The following POMT2 variants were observed in gnomAD, a reference collection of about 807,000 sequenced individuals.
POMT2 encodes the protein protein O-mannosyltransferase 2, also known as protein O-mannosyl-transferase 2.
In POMT2, 75 loss-of-function variants were observed where a neutral mutation model predicts 100.0. The observed-to-expected ratio is 0.75, with a 90% CI of 0.62 to 0.91. POMT2 has a LOEUF of 0.91. Ranked by LOEUF, POMT2 falls within the 40% of genes least tolerant of loss-of-function variation. The pLI is 0.00. For synonymous variants in POMT2, 378 were observed against 374.1 expected, an observed-to-expected ratio of 1.01 and a Z score of -0.12; for missense variants, 940 against 955.1, an observed-to-expected ratio of 0.98 and a Z score of 0.21.
intron 4 of POMT2, 133 bp from the exon 5 acceptor site, chr14:77,303,076 A>T: frequency 1.4e-6 from 1 of 732,770 alleles, no homozygotes; most frequent in Non-Finnish European, 2.4e-6. Context: ...TCAGGACTAG[A>T]GTCAACACTG....
chr14:77,298,899 G>T, intron 7 of POMT2, 128 bp from the exon 8 acceptor site: 1 of 932,692 alleles, frequency 1.1e-6, no homozygotes. Context: ...GACAGAGGTG[G>T]GTGATGGAGT....
At chr14:77,293,698 A>T (rs1448505418) in intron 9 of POMT2, among the ~76,000 whole-genome samples, 1 of 152,238 alleles carries the variant, frequency 6.6e-6, no homozygotes, top group Middle Eastern at 3.2e-3. Context: ...AGGCTAAAAG[A>T]TCTGGTCAAT....
chr14:77,294,572 C>T (rs998775438), intron 9 of POMT2, among the ~76,000 whole-genome samples: 3 of 152,214 alleles, frequency 2.0e-5, no homozygotes, highest in African/African-American at 7.2e-5. Flanking sequence ...GATCCGCCCA[C>T]CTCGGCATAA....
At chr14:77,303,785 A>C (rs1051925039) in intron 4 of POMT2, among the ~76,000 whole-genome samples, 4 of 152,150 alleles carry the variant, frequency 2.6e-5, no homozygotes, top group African/African-American at 9.7e-5. Flanking sequence ...TCTACACTGC[A>C]CTTGTGGCTT....
chr14:77,287,064 A>G, intron 11 of POMT2: 1 of 693,604 alleles, frequency 1.4e-6, no homozygotes, highest in South Asian at 1.9e-5. Context: ...GCATGCCAAG[A>G]AAGGGGCTAA....
At position 77,280,016 on chromosome 14, in the gene POMT2, C is replaced by G; in HGVS notation, c.1785+5G>C. ...GGCCTGAGCCGGGAATGTTTAGGCA[C>G]TCACCGGGTTGCCAAGCAGATAGAC... On this transcript the variant is annotated splice_donor_5th_base_variant and intron_variant, in intron 17 of 20. Transcript: ENST00000261534. 1 of 1,614,064 alleles carries G rather than the reference C, an allele frequency of 6.2e-7. No individual in the cohort carries two copies. The highest frequency in any genetic ancestry group is 2.2e-5 in the East Asian group (1 of 44,880).
intron 4 of POMT2, 24 bp from the exon 5 acceptor site, chr14:77,302,967 G>T (rs368871867): frequency 6.4e-7 from 1 of 1,566,994 alleles, no homozygotes; most frequent in Non-Finnish European, 8.8e-7. Flanking sequence ...GCTCGCTGGT[G>T]AAAAAGCGAG....
At chr14:77,311,907 A>C (rs1566661873) in intron 2 of POMT2, 42 bp downstream of exon 2, 1 of 1,611,450 alleles carries the variant, frequency 6.2e-7, no homozygotes, top group Non-Finnish European at 8.5e-7. Flanking sequence ...CTTAGGAACA[A>C]TCCTCTGGGA....
chr14:77,305,328 C>T (rs1410858656), intron 3 of POMT2, among the ~76,000 whole-genome samples: 1 of 152,146 alleles, frequency 6.6e-6, no homozygotes, highest in Non-Finnish European at 1.5e-5. Flanking sequence ...CTTGATACTT[C>T]AGTAGCTGGA....
chr14:77,310,159 G>C (rs1229919948), intron 2 of POMT2, among the ~76,000 whole-genome samples: 1 of 152,218 alleles, frequency 6.6e-6, no homozygotes, highest in Non-Finnish European at 1.5e-5. Flanking sequence ...TACTCAACAT[G>C]TTCTGTTGTT....
intron 1 of POMT2, chr14:77,312,508 A>G (rs8014716): frequency 0.83 from 128,618 of 155,886 alleles, 53,294 homozygotes; most frequent in East Asian, 0.95. Flanking sequence ...CTAAAAATAC[A>G]AAAAATTAGC....
At chr14:77,307,858 CTTTTT>C (rs57755259) in intron 2 of POMT2, among the ~76,000 whole-genome samples, 5 of 101,226 alleles carry the variant, frequency 4.9e-5, no homozygotes, top group East Asian at 2.9e-4. Context: ...TTAATTTCTT[CTTTTT>C]TTTTTTTTTT....
intron 12 of POMT2, among the ~76,000 whole-genome samples, chr14:77,285,905 A>G (rs1474633050): frequency 1.3e-5 from 2 of 152,204 alleles, no homozygotes; most frequent in African/African-American, 2.4e-5. Context: ...TCATAGAACT[A>G]GAGTTCAAGT....
chr14:77,301,595 G>A (rs1204167108), intron 5 of POMT2, among the ~76,000 whole-genome samples: 1 of 152,210 alleles, frequency 6.6e-6, no homozygotes, highest in Non-Finnish European at 1.5e-5. Flanking sequence ...CTGGACTCAG[G>A]CAGCCCTCTC....
Position 77,285,642 on chromosome 14 carries a change from A to G in POMT2, c.1333-10T>C. On this transcript the variant is annotated splice_polypyrimidine_tract_variant and intron_variant, in intron 12 of 20. Transcript: ENST00000261534. ...AGTCCCCTGTTCCATTCTGCCATAA[A>G]AGCCAAGAAAAAAATACAAAGAAAG... is the stretch of plus-strand genomic sequence containing the variant. 1 of 1,610,698 alleles carries G rather than the reference A, an allele frequency of 6.2e-7. No individual in the cohort carries two copies. Among genetic ancestry groups the G allele is most frequent in the Non-Finnish European group, 8.5e-7 (1 of 1,176,900 alleles).
chr14:77,310,369 C>G (rs1891394336), intron 2 of POMT2, among the ~76,000 whole-genome samples: 1 of 152,160 alleles, frequency 6.6e-6, no homozygotes, highest in South Asian at 2.1e-4. Context: ...ACAATACCTA[C>G]TTTATAAGGT....
intron 11 of POMT2, 53 bp from the exon 12 acceptor site, chr14:77,286,875 C>T (rs1297361780): frequency 3.7e-6 from 6 of 1,613,076 alleles, no homozygotes; most frequent in Non-Finnish European, 5.1e-6. Context: ...TGATGTGCAA[C>T]ATTTCTTCTT....
intron 6 of POMT2, chr14:77,300,835 AC>A (rs1566655972): frequency 6.3e-6 from 3 of 472,526 alleles, no homozygotes; most frequent in Non-Finnish European, 1.1e-5. Flanking sequence ...AAAAAAAAAG[AC>A]AGACATTATA....
intron 20 of POMT2, among the ~76,000 whole-genome samples, chr14:77,278,064 T>G (rs905566578): frequency 1.3e-5 from 2 of 151,972 alleles, no homozygotes; most frequent in African/African-American, 4.8e-5. Flanking sequence ...CTGCCCCCCA[T>G]TCCCACACTC....
Sources: allele counts gnomAD v4.1 joint callset (sites outside exome capture counted in the v4.1 genomes callset), GRCh38; gene constraint gnomAD v4.1.1; transcripts MANE v1.5; gene names NCBI Gene and HGNC (gene_info 2026-07-23, HGNC 2026-07-21).